Variants in BZW1 observed in about 807,000 individuals in gnomAD.
The protein encoded by BZW1 is eIF5-mimic protein 2.
In BZW1, 3 loss-of-function variants were observed where a neutral mutation model predicts 54.1. The observed-to-expected ratio is 0.06, with a 90% CI of 0.03 to 0.14. The LOEUF is 0.14. Among genes scored for constraint, BZW1 ranks in the 10% least tolerant of loss-of-function variants. BZW1 has a pLI of 1.00. For synonymous variants in BZW1, 152 were observed against 162.7 expected (o/e 0.93, Z 0.50); for missense variants, 206 against 491.7 (o/e 0.42, Z 5.50).
chr2:200,818,912 T>A lies in BZW1; in HGVS notation c.966+11T>A, dbSNP rs548326048. ...ATCAAGCACTTGAAGGTATTAGAAC[T>A]ATGCCTTGACAAAACAAACTATTCT... On this transcript the variant is annotated intron_variant, in intron 9 of 11. Coordinates refer to ENST00000409600, the MANE Select transcript of BZW1 (RefSeq NM_001207067.2). 4.0e-4 allele frequency: 625 copies of A among 1,551,456 alleles called. 1 individual carries two copies. The African/African-American group carries it at 8.0e-3, about 20-fold the overall frequency.
chr2:200,818,539 T>A, intron 8 of BZW1, 146 bp downstream of exon 8: 1 of 1,119,688 alleles, frequency 8.9e-7, no homozygotes, highest in East Asian at 2.5e-5. Context: ...CTTTTGCATA[T>A]GCTTCTTCAG....
At chr2:200,814,276 A>G (rs1315579874) in intron 2 of BZW1, among the ~76,000 whole-genome samples, 3 of 152,178 alleles carry the variant, frequency 2.0e-5, no homozygotes, top group East Asian at 1.9e-4. Context: ...AGCATCAGGG[A>G]GAGATGTAAC....
At chr2:200,819,020 C>A in intron 9 of BZW1, 119 bp downstream of exon 9, 1 of 1,156,560 alleles carries the variant, frequency 8.6e-7, no homozygotes, top group Non-Finnish European at 1.2e-6. Context: ...GGATGGCCCA[C>A]CAGTAAATAA....
chr2:200,818,248 G>A lies in BZW1; in HGVS notation c.674G>A (p.Ser225Asn). ...LMELFPANKQ[S>N]VEHFTKYFTE... Reference sequence around the variant, plus strand: ...GAACTCTTTCCTGCCAATAAGCAAAGTGTTGAACACTTCACAAAATATTTT... The same window carrying A: ...GAACTCTTTCCTGCCAATAAGCAAAATGTTGAACACTTCACAAAATATTTT... The change falls in exon 8 of 12, where the codon AGT (serine) becomes AAT (asparagine). Residue 225 changes from serine to asparagine, a missense_variant. Ser to Asn is a conservative substitution (Grantham distance 46). Coordinates refer to ENST00000409600, the MANE Select transcript of BZW1 (RefSeq NM_001207067.2). 3 of 1,594,418 alleles carry A rather than the reference G, an allele frequency of 1.9e-6. No homozygotes were observed. The East Asian group carries it at 6.7e-5, about 36-fold the overall frequency.
rs113818639 is a variant in BZW1 at position 200,827,147 on chromosome 2, C to G, written c.*4969C>G. On this transcript the variant is annotated 3_prime_UTR_variant, in exon 12 of 12. Transcript: ENST00000409600. The stretch of plus-strand genomic sequence containing the variant: ...AGGAGCAATGGCGCCCAGGACGGCA[C>G]ACAGAATGGAGAAAACTGGATAGCT... 4 of 152,116 alleles carry G rather than the reference C, an allele frequency of 2.6e-5. No homozygotes were observed. The highest frequency in any genetic ancestry group is 4.8e-5 in the African/African-American group (2 of 41,422). 9.4% of individuals were successfully genotyped at this position (152,116 alleles called of 1,614,324 possible). A position where few individuals can be genotyped will look rare whatever the true frequency, so the allele number is the denominator to read the frequency against.
intron 1 of BZW1, chr2:200,813,003 CT>C: frequency 1.4e-6 from 1 of 694,804 alleles, no homozygotes; most frequent in Non-Finnish European, 2.7e-6. Context: ...TGAAGGGTTT[CT>C]TGTAGAGAGA....
intron 2 of BZW1, among the ~76,000 whole-genome samples, chr2:200,814,665 G>A (rs752489180): frequency 1.7e-4 from 26 of 152,268 alleles, no homozygotes; most frequent in Middle Eastern, 3.4e-3. Context: ...CTGGCATGGC[G>A]AGTGAGACTA....
At position 200,819,993 on chromosome 2, in the gene BZW1, T is replaced by G. The variant is rs2038449221; in HGVS notation, c.978T>G (p.Pro326=). 2 of 1,518,790 alleles carry G rather than the reference T, an allele frequency of 1.3e-6. No individual in the cohort carries two copies. Among genetic ancestry groups the G allele is most frequent in the Non-Finnish European group, 1.8e-6 (2 of 1,133,576 alleles). The allele number at this position is 1,518,790 out of a possible 1,614,324, so 94.1% of individuals were successfully genotyped here. Residue 326 remains proline, a synonymous_variant, in exon 10 of 12, where the codon CCT becomes CCG. Transcript: ENST00000409600. The part of the protein sequence containing the change: ...QAIKHLKQYS[P]LLAAFTTQGQ... ...TGTTCCTTTAAAAGCAATACAGCCC[T>G]CTACTTGCTGCCTTTACTACTCAAG...
At chr2:200,817,901 G>A in intron 6 of BZW1, 73 bp from the exon 7 acceptor site, 1 of 1,035,108 alleles carries the variant, frequency 9.7e-7, no homozygotes, top group Non-Finnish European at 1.4e-6. Flanking sequence ...ACTATGAAGG[G>A]AAGGATATAG....
chr2:200,818,573 C>T (rs1193629389), intron 8 of BZW1, among the ~76,000 whole-genome samples, 180 bp downstream of exon 8: 1 of 152,158 alleles, frequency 6.6e-6, no homozygotes, highest in African/African-American at 2.4e-5. Flanking sequence ...CCCAGAAATA[C>T]AAGAGACTGG....
chr2:200,824,896 TCTC>T lies in BZW1; in HGVS notation c.*2721_*2723del, dbSNP rs1276752713. 6.6e-6 allele frequency: 1 copy of T among 152,002 alleles called. No homozygotes were observed. 9.4% of individuals were successfully genotyped at this position (152,002 alleles called of 1,614,324 possible). A position where few individuals can be genotyped will look rare whatever the true frequency, so the allele number is the denominator to read the frequency against. On this transcript the variant is annotated 3_prime_UTR_variant, in exon 12 of 12. Transcript: ENST00000409600. ...ACCGGATTAGCGAGGATGGTCTCAA[TCTC>T]CTGACCTTGTGATCCACCCGCCTCA...
rs148237637 is a variant in BZW1, at chr2:200,818,443, G to T, written c.819+50G>T. 9.6e-6 allele frequency: 15 copies of T among 1,560,158 alleles called. No individual in the cohort carries two copies. The African/African-American group carries it at 2.1e-4, about 22-fold the overall frequency. ...TTTATGGCTAAGCTTCTGGCATAGA[G>T]ATTTTCACTAATTTGAGGAACTTAC... On this transcript the variant is annotated intron_variant, in intron 8 of 11. Coordinates refer to ENST00000409600, the MANE Select transcript of BZW1 (RefSeq NM_001207067.2).
In BZW1 at chr2:200,818,791, A is replaced by C. The variant is rs1237836717; in HGVS notation, c.856A>C (p.Asn286His). Residue 286 changes from asparagine (N) to histidine (H), a missense_variant, in exon 9 of 12, where the codon AAC becomes CAC. Asn to His is a moderately conservative substitution (Grantham distance 68, BLOSUM62 1). Around this residue, in one of 5 missense-constraint regions of BZW1, gnomAD observed 31 missense variants for 29.1 expected, o/e 1.07. Coordinates refer to ENST00000409600, the MANE Select transcript of BZW1 (RefSeq NM_001207067.2). ...LYVKEEMKKN[N>H]IPEPVVIGIV... ...TGTCAAGGAGGAGATGAAAAAAAAC[A>C]ACATCCCAGAGCCAGTTGTCATCGG... 1 of 1,587,944 alleles carries C rather than the reference A, an allele frequency of 6.3e-7. No homozygotes were observed. Among genetic ancestry groups the C allele is most frequent in the African/African-American group, 1.4e-5 (1 of 73,010 alleles).
Position 200,815,526 on chromosome 2 carries a change from CTG to C in BZW1, c.241+12_241+13del, listed in dbSNP as rs75835832. 1.0e-4 allele frequency: 161 copies of C among 1,613,432 alleles called. No homozygotes were observed. In the East Asian group the frequency reaches 1.0e-3, roughly 10 times the overall value. On this transcript the variant is annotated intron_variant, in intron 3 of 11. Coordinates refer to ENST00000409600, the MANE Select transcript of BZW1 (RefSeq NM_001207067.2). ...GGCTGGTGGAATGCTGGGTAAGTGTCTGTGGTTTGTGGGCTTAATAATTTAGA... is the reference window on the plus strand; with the variant it reads ...GGCTGGTGGAATGCTGGGTAAGTGTCTGGTTTGTGGGCTTAATAATTTAGA...
chr2:200,812,276 G>C (rs1200450985), intron 1 of BZW1: 2 of 1,232,370 alleles, frequency 1.6e-6, no homozygotes, highest in African/African-American at 3.1e-5. Flanking sequence ...GCCCGGCCTG[G>C]CTAACAAAGC....
intron 1 of BZW1, chr2:200,812,263 C>G (rs912125282): frequency 8.1e-7 from 1 of 1,232,140 alleles, no homozygotes; most frequent in Admixed American, 4.2e-5. Context: ...CCCTCTGGGC[C>G]GTGCCCGGCC....
At chr2:200,816,462 C>A (rs563013401) in intron 5 of BZW1, 72 bp downstream of exon 5, 295 of 1,130,132 alleles carry the variant, frequency 2.6e-4, no homozygotes, top group Non-Finnish European at 3.4e-4. Context: ...ATCCTAATTC[C>A]GCCACAGATT....
chr2:200,815,668 C>G lies in BZW1; in HGVS notation c.243C>G (p.Ala81=). The change falls in exon 4 of 12, where the codon GCC becomes GCG. Residue 81 remains alanine, a splice_region_variant and synonymous_variant. Transcript: ENST00000409600. ...FDILVAGGML[A]PGGTLADDMM... is the part of the protein sequence containing the mutation. ...TATTTTGGTTTTATCCAACTTTAGC[C>G]CCAGGTGGTACACTGGCAGATGACA... The G allele has an allele frequency of 6.3e-7, 1 of 1,591,938 alleles. No homozygotes were observed. Among genetic ancestry groups the G allele is most frequent in the Non-Finnish European group, 8.6e-7 (1 of 1,168,536 alleles).
intron 2 of BZW1, among the ~76,000 whole-genome samples, chr2:200,813,777 AT>A (rs200694031): frequency 2.5e-4 from 37 of 149,226 alleles, no homozygotes; most frequent in African/African-American, 4.9e-4. Context: ...TTATATTACT[AT>A]TTTTTTTTTG....
Sources: gnomAD v4.1 joint callset for allele counts (sites outside exome capture counted in the v4.1 genomes callset) on GRCh38, gnomAD v4.1.1 for gene constraint, gnomAD v4.1.1 regional missense constraint, MANE v1.5 for transcripts, NCBI Gene and HGNC (gene_info 2026-07-23, HGNC 2026-07-21) for gene names.